Variants in GCC2 observed in about 807,000 individuals in gnomAD.
The protein encoded by GCC2 is GRIP and coiled-coil domain-containing protein 2.
In GCC2, 120 loss-of-function variants were observed where a neutral mutation model predicts 210.6. The ratio of observed to expected loss-of-function variants is 0.57; its 90% confidence interval spans 0.49 to 0.66. GCC2 has a LOEUF of 0.66. GCC2 is among the 30% of genes least tolerant of loss of function. GCC2 has a pLI of 0.00. For synonymous variants in GCC2, 703 were observed against 652.7 expected, an observed-to-expected ratio of 1.08 and a Z score of -1.17; for missense variants, 1,868 against 1,871.9, an observed-to-expected ratio of 1.00 and a Z score of 0.04.
chr2:108,467,802 C>T (rs907193928), intron 4 of GCC2, among the ~76,000 whole-genome samples: 1 of 152,004 alleles, frequency 6.6e-6, no homozygotes, highest in Admixed American at 6.6e-5. Context: ...GGGGATTATT[C>T]TTGCTTTTTA....
intron 20 of GCC2, chr2:108,495,709 C>T (rs370782417): frequency 2.2e-4 from 64 of 297,500 alleles, no homozygotes; most frequent in Admixed American, 1.4e-4. Context: ...TTACCTTACA[C>T]GATCACTAGG....
At chr2:108,484,128 T>G in intron 12 of GCC2, 21 bp from the exon 13 acceptor site, 1 of 1,533,440 alleles carries the variant, frequency 6.5e-7, no homozygotes, top group East Asian at 2.3e-5. Context: ...TGTGTAAATC[T>G]TTTACTTATA....
Position 108,482,286 on chromosome 2 carries a change from G to T in GCC2, c.3181-1G>T. The T allele has an allele frequency of 6.4e-7, 1 of 1,556,918 alleles. No homozygotes were observed. The highest frequency in any genetic ancestry group is 1.8e-5 in the Admixed American group (1 of 54,736). On this transcript the variant is annotated splice_acceptor_variant, in intron 10 of 22. Coordinates refer to ENST00000309863, the MANE Select transcript of GCC2 (RefSeq NM_181453.4). LOFTEE classifies it high-confidence loss of function. The stretch of plus-strand genomic sequence containing the variant: ...TAGTAATGAATCATTTGTCATTTCA[G>T]TGTGAAACAATAAATTCTGATAATG...
intron 21 of GCC2, among the ~76,000 whole-genome samples, 195 bp downstream of exon 21, chr2:108,497,304 A>G (rs934736403): frequency 6.6e-6 from 1 of 152,130 alleles, no homozygotes; most frequent in Non-Finnish European, 1.5e-5. Flanking sequence ...ATTTTAGTAG[A>G]GACAGGGTTT....
chr2:108,480,113 C>T (rs1319985702), intron 9 of GCC2, among the ~76,000 whole-genome samples: 2 of 151,922 alleles, frequency 1.3e-5, no homozygotes, highest in Non-Finnish European at 2.9e-5. Flanking sequence ...TGGTTAATGT[C>T]GTTTCTCTTT....
intron 4 of GCC2, among the ~76,000 whole-genome samples, chr2:108,468,161 A>C (rs1461368110): frequency 6.6e-6 from 1 of 151,896 alleles, no homozygotes; most frequent in Non-Finnish European, 1.5e-5. Context: ...TCCTGGGTTC[A>C]AGCAATTCTC....
intron 9 of GCC2, among the ~76,000 whole-genome samples, chr2:108,479,046 T>C (rs1681694084): frequency 6.6e-6 from 1 of 151,484 alleles, no homozygotes; most frequent in African/African-American, 2.4e-5. Context: ...TACAAAAAAA[T>C]TAGCTGGACG....
intron 10 of GCC2, 62 bp downstream of exon 10, chr2:108,481,878 T>C (rs1681872659): frequency 2.4e-6 from 3 of 1,265,440 alleles, no homozygotes; most frequent in Middle Eastern, 2.7e-4. Context: ...CTCAATACTT[T>C]TTGCATAAAA....
At chr2:108,479,980 CAAAAAAAAAAAAAAAAAA>C (rs200934785) in intron 9 of GCC2, among the ~76,000 whole-genome samples, 93 of 114,540 alleles carry the variant, frequency 8.1e-4, no homozygotes, top group Non-Finnish European at 6.9e-4. Context: ...GACTCCATCT[CAAAAAAAAAAAAAAAAAA>C]AAAAAAAAAA....
In GCC2 at chr2:108,507,416, C is replaced by CA. The variant is rs370993594; in HGVS notation, c.4985-136dup. ...CTCAAAAAAAAAGAACCCCCCCCCC[C>CA]AAAAAAAAGGCATGTAATCAGTAAA... is the stretch of plus-strand genomic sequence containing the variant. On this transcript the variant is annotated intron_variant, in intron 22 of 22. Transcript: ENST00000309863. 274 of 307,872 alleles carry CA rather than the reference C, an allele frequency of 8.9e-4. 2 individuals carry two copies. Among genetic ancestry groups the CA allele is most frequent in the South Asian group, 2.8e-3 (86 of 30,476 alleles). 19.1% of individuals were successfully genotyped at this position (307,872 alleles called of 1,614,324 possible).
chr2:108,504,594 C>G (rs1465675259), intron 22 of GCC2, among the ~76,000 whole-genome samples: 2 of 152,122 alleles, frequency 1.3e-5, no homozygotes, highest in African/African-American at 4.8e-5. Flanking sequence ...ACCTTGCCCC[C>G]ACACACATTA....
intron 15 of GCC2, 137 bp from the exon 16 acceptor site, chr2:108,486,374 T>C: frequency 1.3e-6 from 1 of 799,494 alleles, no homozygotes; most frequent in Non-Finnish European, 2.1e-6. Context: ...TCAATAATAA[T>C]ACATAAAAAT....
chr2:108,501,059 G>A lies in GCC2; in HGVS notation c.4984+1305G>A, dbSNP rs3888323. 0.068 allele frequency among the ~76,000 whole-genome samples: 10,364 copies of A among 152,042 alleles called. 2,667 individuals carry two copies. In the East Asian group the frequency reaches 0.84, roughly 12 times the overall value. On this transcript the variant is annotated intron_variant, in intron 22 of 22. Coordinates refer to ENST00000309863, the MANE Select transcript of GCC2 (RefSeq NM_181453.4). ...CACCCTGGCTGGAGTGCAGTGGTCC[G>A]ATCATGGCTCACTGCAACCTCCGCC...
In GCC2 at chr2:108,492,440, A is replaced by G. The variant is rs1445669655; in HGVS notation, c.4230-133A>G. The G allele has an allele frequency of 4.6e-6, 3 of 657,930 alleles. No homozygotes were observed. The East Asian group carries it at 8.2e-5, about 18-fold the overall frequency. The allele number at this position is 657,930 out of a possible 1,614,324, so 40.8% of individuals were successfully genotyped here. On this transcript the variant is annotated intron_variant, in intron 18 of 22. Transcript: ENST00000309863. ...ATTTCACAATGAGTACAGTGCAGGT[A>G]TGTAGGAGAGAAGTTGATTCATACA...
intron 21 of GCC2, among the ~76,000 whole-genome samples, chr2:108,497,335 C>G (rs1378522887): frequency 1.3e-5 from 2 of 152,178 alleles, no homozygotes; most frequent in Non-Finnish European, 2.9e-5. Context: ...CCAGGATGGT[C>G]TCGATCTCCT....
chr2:108,492,821 T>C (rs1347213105), intron 19 of GCC2, 31 bp downstream of exon 19: 2 of 1,410,212 alleles, frequency 1.4e-6, no homozygotes, highest in East Asian at 2.3e-5. Flanking sequence ...ATATTAGTTG[T>C]TCATGTTTTC....
At chr2:108,474,014 C>T (rs1487377745) in intron 7 of GCC2, among the ~76,000 whole-genome samples, 6 of 151,948 alleles carry the variant, frequency 3.9e-5, no homozygotes, top group South Asian at 2.1e-4. Flanking sequence ...AAAAATTAGC[C>T]GGGCGTTGTG....
rs1450956897 is a variant in GCC2, at chr2:108,473,310, G to A, written c.2860+411G>A. On this transcript the variant is annotated intron_variant, in intron 7 of 22. Coordinates refer to ENST00000309863, the MANE Select transcript of GCC2 (RefSeq NM_181453.4). ...GCATAGGAACTTAACACTGTTTTGA[G>A]TTAAAAAAAAAAAAAAAAGCAGCGT... is the stretch of plus-strand genomic sequence containing the variant. 11 of 99,816 alleles carry A rather than the reference G, an allele frequency of 1.1e-4. No homozygotes were observed. In the Admixed American group the frequency reaches 1.2e-3, roughly 11 times the overall value. 6.2% of individuals were successfully genotyped at this position (99,816 alleles called of 1,614,324 possible). A position where few individuals can be genotyped will look rare whatever the true frequency, so the allele number is the denominator to read the frequency against.
chr2:108,451,041 C>T lies in GCC2; in HGVS notation c.77C>T (p.Pro26Leu). 1 of 1,610,998 alleles carries T rather than the reference C, an allele frequency of 6.2e-7. No homozygotes were observed. Among genetic ancestry groups the T allele is most frequent in the Non-Finnish European group, 8.5e-7 (1 of 1,177,360 alleles). The change falls in exon 3 of 23, where the codon CCC becomes CTC. Residue 26 changes from proline (P) to leucine (L), a missense_variant. By Grantham distance (98) the Pro-to-Leu change is moderately conservative (BLOSUM62 -3). Transcript: ENST00000309863. Reference sequence around the variant, plus strand: ...CACATCTTTCAGCTGGAAACATTGCCCAAAGAAGACCTCATCAAGTTTGCC... The same window carrying T: ...CACATCTTTCAGCTGGAAACATTGCTCAAAGAAGACCTCATCAAGTTTGCC... ...GTGKSKLETL[P>L]KEDLIKFAKK...
Sources: gnomAD v4.1 joint callset for allele counts (sites outside exome capture counted in the v4.1 genomes callset) on GRCh38, gnomAD v4.1.1 for gene constraint, MANE v1.5 for transcripts, NCBI Gene and HGNC (gene_info 2026-07-23, HGNC 2026-07-21) for gene names.